Variants in ANKRD12 observed in about 807,000 individuals in gnomAD.
ANKRD12 encodes the protein ankyrin repeat domain-containing protein 12.
In ANKRD12, 85 loss-of-function variants were observed where a neutral mutation model predicts 183.4. The ratio of observed to expected loss-of-function variants is 0.46; its 90% CI spans 0.39 to 0.56. The LOEUF is 0.56. Among genes scored for constraint, ANKRD12 ranks in the 20% least tolerant of loss-of-function variants. The pLI is 0.00. For synonymous variants in ANKRD12, 914 were observed against 800.2 expected (o/e 1.14, Z -2.40); for missense variants, 2,405 against 2,357.1 (o/e 1.02, Z -0.42).
intron 1 of ANKRD12, among the ~76,000 whole-genome samples, chr18:9,175,041 A>G (rs1367966707): frequency 2.6e-5 from 4 of 151,680 alleles, no homozygotes; most frequent in African/African-American, 9.7e-5. Context: ...TGCAACCTCC[A>G]CCACCCAGAT....
At chr18:9,204,076 A>G (rs886216473) in intron 3 of ANKRD12, among the ~76,000 whole-genome samples, 2 of 152,266 alleles carry the variant, frequency 1.3e-5, no homozygotes, top group African/African-American at 4.8e-5. Flanking sequence ...TACTGTCTCC[A>G]GAGTCGAGTT....
chr18:9,247,915 T>C (rs1342307980), intron 8 of ANKRD12, among the ~76,000 whole-genome samples: 4 of 152,100 alleles, frequency 2.6e-5, no homozygotes, highest in Non-Finnish European at 4.4e-5. Context: ...GCCACCCAAG[T>C]AGCTGGGATT....
intron 1 of ANKRD12, among the ~76,000 whole-genome samples, chr18:9,161,361 T>A (rs2031387796): frequency 6.6e-6 from 1 of 151,676 alleles, no homozygotes; most frequent in South Asian, 2.1e-4. Flanking sequence ...CTGTTTTTAT[T>A]TTATTTTATT....
chr18:9,200,654 A>T (rs1346082172), intron 3 of ANKRD12: 1 of 152,224 alleles, frequency 6.6e-6, no homozygotes, highest in African/African-American at 2.4e-5. Flanking sequence ...TGTAAGTCCC[A>T]GCTTCCTTAT....
chr18:9,219,147 T>C (rs2036278239), intron 7 of ANKRD12, among the ~76,000 whole-genome samples: 2 of 152,206 alleles, frequency 1.3e-5, no homozygotes, highest in East Asian at 3.8e-4. Flanking sequence ...GTGTTTGTAA[T>C]ATGTGAATGA....
intron 1 of ANKRD12, among the ~76,000 whole-genome samples, chr18:9,156,514 T>A (rs1385764629): frequency 2.0e-5 from 3 of 152,052 alleles, no homozygotes; most frequent in Non-Finnish European, 4.4e-5. Flanking sequence ...AAATTGGCAT[T>A]ATAGGTAAGT....
In ANKRD12 at chr18:9,254,628, T is replaced by A. The variant is rs150317182; in HGVS notation, c.1361T>A (p.Met454Lys). ...ATCCCTGAAACATCAAATTCTGATA[T>A]GCAAACCAAAAAGGAATATGTAGTT... ...SVIPETSNSD[M>K]QTKKEYVVSG... The change falls in exon 9 of 13, where the codon ATG (methionine) becomes AAG (lysine). Residue 454 changes from methionine (M) to lysine (K), a missense_variant. Around this residue, in one of 7 missense-constraint regions of ANKRD12, gnomAD observed 1,983 missense variants for 1,725.9 expected, o/e 1.15. Coordinates refer to ENST00000262126, the MANE Select transcript of ANKRD12 (RefSeq NM_015208.5). 9 of 1,581,346 alleles carry A rather than the reference T, an allele frequency of 5.7e-6. No homozygotes were observed. Among genetic ancestry groups the A allele is most frequent in the African/African-American group, 2.7e-5 (2 of 73,248 alleles).
chr18:9,193,525 TTTGG>T (rs1477926312), intron 2 of ANKRD12, among the ~76,000 whole-genome samples: 2 of 152,042 alleles, frequency 1.3e-5, no homozygotes, highest in South Asian at 2.1e-4. Flanking sequence ...TTTTTGTTTG[TTTGG>T]TTGTTTTTAT....
intron 10 of ANKRD12, among the ~76,000 whole-genome samples, chr18:9,270,167 A>T (rs1356923725): frequency 3.9e-5 from 6 of 152,368 alleles, no homozygotes; most frequent in African/African-American, 1.2e-4. Flanking sequence ...TGTTGGTGGG[A>T]CTGTAAACTA....
In ANKRD12 at chr18:9,256,101, A is replaced by G; in HGVS notation, c.2834A>G (p.Lys945Arg). 6 of 1,559,746 alleles carry G rather than the reference A, an allele frequency of 3.8e-6. No homozygotes were observed. Among genetic ancestry groups the G allele is most frequent in the Non-Finnish European group, 5.2e-6 (6 of 1,161,586 alleles). The change falls in exon 9 of 13, where the codon AAA becomes AGA. Residue 945 changes from lysine (K) to arginine (R), a missense_variant. This residue lies in a region of ANKRD12 where 1,983 missense variants were observed against 1,725.9 expected (regional missense o/e 1.15). Transcript: ENST00000262126. ...NKQSDNSEYS[K>R]SEKGKNKEKD... is the part of the protein sequence containing the mutation. ...CAATCAGATAATAGTGAATACAGTA[A>G]ATCAGAAAAAGGCAAAAATAAAGAA...
rs201049162 is a variant in ANKRD12, at chr18:9,258,090, A to G, written c.4823A>G (p.Lys1608Arg). The G allele has an allele frequency of 4.4e-5, 71 of 1,613,366 alleles. No individual in the cohort carries two copies. In the Admixed American group the frequency reaches 8.7e-4, roughly 20 times the overall value. Reference sequence around the variant, plus strand: ...CTAAATACACATTATGCATTTAGCAAACTAACTTACAAGTCTTCCAGTGGC... The same window carrying G: ...CTAAATACACATTATGCATTTAGCAGACTAACTTACAAGTCTTCCAGTGGC... ...TQLNTHYAFS[K>R]LTYKSSSGHE... is the part of the protein sequence containing the mutation. The change falls in exon 9 of 13, where the codon AAA becomes AGA. Residue 1608 changes from lysine to arginine, a missense_variant. Around this residue, in one of 7 missense-constraint regions of ANKRD12, gnomAD observed 1,983 missense variants for 1,725.9 expected, o/e 1.15. Coordinates refer to ENST00000262126, the MANE Select transcript of ANKRD12 (RefSeq NM_015208.5).
At chr18:9,245,266 A>G (rs1567958880) in intron 8 of ANKRD12, among the ~76,000 whole-genome samples, 1 of 151,516 alleles carries the variant, frequency 6.6e-6, no homozygotes, top group Non-Finnish European at 1.5e-5. Context: ...CCTGGGCAAC[A>G]TGGCAAAACC....
At chr18:9,165,969 T>A (rs568979461) in intron 1 of ANKRD12, among the ~76,000 whole-genome samples, 202 of 150,054 alleles carry the variant, frequency 1.3e-3, no homozygotes, top group African/African-American at 4.7e-3. Context: ...GAACATGCAC[T>A]GTTTGGTTTT....
At position 9,257,432 on chromosome 18, in the gene ANKRD12, A is replaced by C; in HGVS notation, c.4165A>C (p.Ile1389Leu). ...SKYVSADRNL[I>L]KNTAPVNTVM... ...GTATGTTTCAGCTGATAGAAATCTC[A>C]TCAAGAATACTGCCCCAGTGAACAC... The change falls in exon 9 of 13, where the codon ATC becomes CTC. Residue 1389 changes from isoleucine (I) to leucine (L), a missense_variant. Ile to Leu is a conservative substitution (Grantham distance 5). Coordinates refer to ENST00000262126, the MANE Select transcript of ANKRD12 (RefSeq NM_015208.5). 1.2e-6 allele frequency: 2 copies of C among 1,614,110 alleles called. No homozygotes were observed. Among genetic ancestry groups the C allele is most frequent in the Non-Finnish European group, 1.7e-6 (2 of 1,179,964 alleles).
intron 6 of ANKRD12, among the ~76,000 whole-genome samples, chr18:9,212,522 T>G (rs1186937240): frequency 6.6e-6 from 1 of 151,568 alleles, no homozygotes; most frequent in African/African-American, 2.4e-5. Flanking sequence ...CATTAATTTT[T>G]AATAGCTGCA....
chr18:9,265,874 A>C (rs1010657202), intron 10 of ANKRD12, among the ~76,000 whole-genome samples: 1 of 152,226 alleles, frequency 6.6e-6, no homozygotes, highest in Non-Finnish European at 1.5e-5. Flanking sequence ...AAACCTTGAA[A>C]AAAGATTAGA....
chr18:9,157,818 A>T (rs553383565), intron 1 of ANKRD12, among the ~76,000 whole-genome samples: 1 of 152,202 alleles, frequency 6.6e-6, no homozygotes, highest in South Asian at 2.1e-4. Flanking sequence ...TGATTGCCAC[A>T]GCAGAAAAAT....
chr18:9,203,568 A>G (rs1222356283), intron 3 of ANKRD12, among the ~76,000 whole-genome samples: 3 of 151,078 alleles, frequency 2.0e-5, no homozygotes, highest in Non-Finnish European at 4.4e-5. Context: ...GTTAGGCAGA[A>G]TTCCATATAT....
chr18:9,262,649 TGGG>T (rs918912996), intron 9 of ANKRD12, among the ~76,000 whole-genome samples: 136 of 151,446 alleles, frequency 9.0e-4, no homozygotes, highest in Non-Finnish European at 1.7e-3. Context: ...TTTTTTGAGA[TGGG>T]GGTCTCAATA....
Sources: allele counts gnomAD v4.1 joint callset (sites outside exome capture counted in the v4.1 genomes callset), GRCh38; gene constraint gnomAD v4.1.1; regional missense constraint gnomAD v4.1.1; transcripts MANE v1.5; gene names NCBI Gene and HGNC (gene_info 2026-07-23, HGNC 2026-07-21).